The following CEP85L variants were observed in gnomAD, a reference collection of about 807,000 sequenced individuals.
CEP85L encodes the protein centrosomal protein 85L, also known as centrosomal protein of 85 kDa-like.
In CEP85L, 60 loss-of-function variants were observed where a neutral mutation model predicts 100.3. The ratio of observed to expected loss-of-function variants is 0.60; its 90% CI spans 0.49 to 0.74. CEP85L has a LOEUF of 0.74. Ranked by LOEUF, CEP85L falls within the 30% of genes least tolerant of loss-of-function variation. The pLI, the probability that CEP85L is intolerant of heterozygous loss-of-function variation, is 0.00. For missense variants in CEP85L, 973 were observed against 936.2 expected, an observed-to-expected ratio of 1.04 and a Z score of -0.51; for synonymous variants, 319 against 322.7, an observed-to-expected ratio of 0.99 and a Z score of 0.12.
chr6:118,558,831 TA>T, intron 3 of CEP85L: 3 of 875,280 alleles, frequency 3.4e-6, no homozygotes, highest in Non-Finnish European at 3.9e-6. Context: ...CCAGGCTACC[TA>T]AAAGAAGACA....
At chr6:118,609,143 T>C (rs1481346399) in intron 2 of CEP85L, among the ~76,000 whole-genome samples, 1 of 152,190 alleles carries the variant, frequency 6.6e-6, no homozygotes, top group Admixed American at 6.5e-5. Flanking sequence ...GGATGATCAG[T>C]TTATTTAAAA....
At chr6:118,534,759 C>G (rs943622333) in intron 3 of CEP85L, among the ~76,000 whole-genome samples, 3 of 152,082 alleles carry the variant, frequency 2.0e-5, no homozygotes, top group East Asian at 3.9e-4. Context: ...GTCAGTCATG[C>G]CTGTAATCCC....
chr6:118,564,035 T>G (rs1459781451), intron 3 of CEP85L, among the ~76,000 whole-genome samples: 1 of 152,088 alleles, frequency 6.6e-6, no homozygotes, highest in Non-Finnish European at 1.5e-5. Flanking sequence ...ATATGCAAAT[T>G]TTGCTCTTTA....
chr6:118,524,347 G>A (rs1776842141), intron 3 of CEP85L, among the ~76,000 whole-genome samples: 1 of 152,162 alleles, frequency 6.6e-6, no homozygotes, highest in African/African-American at 2.4e-5. Flanking sequence ...GGGAGGCTGA[G>A]GCAGAAGAAT....
intron 2 of CEP85L, among the ~76,000 whole-genome samples, chr6:118,618,499 T>C (rs1773221278): frequency 6.6e-6 from 1 of 152,242 alleles, no homozygotes; most frequent in African/African-American, 2.4e-5. Flanking sequence ...GGACATTTTC[T>C]TCATTGTTCC....
chr6:118,694,057 C>G (rs746381571), intron 1 of CEP85L, among the ~76,000 whole-genome samples: 3 of 152,210 alleles, frequency 2.0e-5, no homozygotes, highest in Non-Finnish European at 4.4e-5. Context: ...CCCATAAAAA[C>G]AGTGACCACT....
chr6:118,696,741 A>T (rs993566113), intron 1 of CEP85L, among the ~76,000 whole-genome samples: 1 of 152,152 alleles, frequency 6.6e-6, no homozygotes, highest in African/African-American at 2.4e-5. Context: ...AAAAATAAAA[A>T]CCTTGGACAG....
chr6:118,691,064 TA>T (rs1277614235), intron 1 of CEP85L, among the ~76,000 whole-genome samples: 4 of 150,908 alleles, frequency 2.7e-5, no homozygotes, highest in African/African-American at 4.9e-5. Context: ...AGAGACAGTT[TA>T]AAAAAAAGAG....
intron 5 of CEP85L, among the ~76,000 whole-genome samples, chr6:118,498,234 C>T (rs1032610764): frequency 6.6e-6 from 1 of 152,132 alleles, no homozygotes; most frequent in Non-Finnish European, 1.5e-5. Flanking sequence ...TGGCTCATGC[C>T]TGTAATCCCA....
intron 1 of CEP85L, among the ~76,000 whole-genome samples, chr6:118,706,864 G>C (rs1269010678): frequency 6.6e-6 from 1 of 151,954 alleles, no homozygotes; most frequent in South Asian, 2.1e-4. Flanking sequence ...AAAGACTCTC[G>C]CTTTGTGATT....
chr6:118,639,661 T>C (rs1216988114), intron 1 of CEP85L, among the ~76,000 whole-genome samples: 2 of 152,234 alleles, frequency 1.3e-5, no homozygotes, highest in Admixed American at 1.3e-4. Context: ...CATATGTATA[T>C]GACTTTCTTC....
Position 118,523,859 on chromosome 6 carries a change from T to G in CEP85L, c.1082A>C (p.Glu361Ala), listed in dbSNP as rs1339745072. ...SPGYQDFSKWESMLKIKEGLL... is the reference protein window; with the variant it reads ...SPGYQDFSKWASMLKIKEGLL... ...TCCTTCTTTTATTTTCAACATTGAT[T>G]CCCACTTACTGAAATCCTGATAGCC... The change falls in exon 4 of 13, where the codon GAA becomes GCA. Residue 361 changes from glutamate (E) to alanine (A), a missense_variant. Coordinates refer to ENST00000368491, the MANE Select transcript of CEP85L (RefSeq NM_001042475.3). The G allele has an allele frequency of 6.2e-7, 1 of 1,609,764 alleles. No individual in the cohort carries two copies. Among genetic ancestry groups the G allele is most frequent in the Admixed American group, 1.7e-5 (1 of 59,920 alleles).
chr6:118,625,044 G>A (rs948421313), intron 2 of CEP85L, among the ~76,000 whole-genome samples: 4 of 152,168 alleles, frequency 2.6e-5, no homozygotes, highest in African/African-American at 4.8e-5. Flanking sequence ...CCTGTCCCAG[G>A]ACATTGGAAC....
At chr6:118,558,068 G>A (rs1007346801) in intron 3 of CEP85L, among the ~76,000 whole-genome samples, 3 of 151,314 alleles carry the variant, frequency 2.0e-5, no homozygotes, top group African/African-American at 7.3e-5. Context: ...GGGCTCCAGC[G>A]ATCCTCCCAA....
intron 2 of CEP85L, among the ~76,000 whole-genome samples, chr6:118,631,829 G>A (rs1459416949): frequency 6.6e-6 from 1 of 152,114 alleles, no homozygotes; most frequent in Admixed American, 6.5e-5. Flanking sequence ...AAGTGGGTGT[G>A]GGAAACATGA....
chr6:118,646,907 C>T (rs565952178), intron 1 of CEP85L: 1 of 983,386 alleles, frequency 1.0e-6, no homozygotes, highest in South Asian at 4.7e-5. Context: ...ATCAACTCAC[C>T]ATTTATTGCT....
At chr6:118,501,757 C>G in intron 5 of CEP85L, 2 of 897,666 alleles carry the variant, frequency 2.2e-6, no homozygotes, top group South Asian at 2.6e-5. Flanking sequence ...AACTTGAAAG[C>G]AGAAAGACAG....
intron 2 of CEP85L, among the ~76,000 whole-genome samples, chr6:118,568,851 A>C (rs1779701301): frequency 6.6e-6 from 1 of 152,206 alleles, no homozygotes; most frequent in African/African-American, 2.4e-5. Context: ...TTGTATTCAC[A>C]TATTATAGCA....
chr6:118,586,411 A>C (rs970350671), intron 2 of CEP85L, among the ~76,000 whole-genome samples: 1 of 152,192 alleles, frequency 6.6e-6, no homozygotes, highest in South Asian at 2.1e-4. Flanking sequence ...ACCCAATCCC[A>C]GGAAATTGGA....
Sources: gnomAD v4.1 joint callset for allele counts (sites outside exome capture counted in the v4.1 genomes callset) on GRCh38, gnomAD v4.1.1 for gene constraint, MANE v1.5 for transcripts, NCBI Gene and HGNC (gene_info 2026-07-23, HGNC 2026-07-21) for gene names.